The following SLC2A5 variants were observed in gnomAD, a reference collection of about 807,000 sequenced individuals.
SLC2A5 encodes solute carrier family 2 member 5.
In SLC2A5, 56 loss-of-function variants were observed where a neutral mutation model predicts 50.3. The observed-to-expected ratio is 1.11, with a 90% confidence interval of 0.90 to 1.39. The LOEUF (loss-of-function observed/expected upper bound fraction) is 1.39, where lower values mean the gene tolerates loss of function less well. Among genes scored for constraint, SLC2A5 ranks in the 40% most tolerant of loss-of-function variants. The pLI is 0.00. For missense variants in SLC2A5, 566 were observed against 650.1 expected (o/e 0.87, Z 1.41); for synonymous variants, 269 against 281.9 (o/e 0.95, Z 0.46).
At position 9,064,940 on chromosome 1, in the gene SLC2A5, C is replaced by G. The variant is rs530302341; in HGVS notation, c.33+4564G>C. ...TGGTGGCACACGTCTGTAATCCCAG[C>G]TACTCGGGAGGCTGAGGCAGGAGAA... On this transcript the variant is annotated intron_variant, in intron 1 of 11. Coordinates refer to ENST00000377424, the MANE Select transcript of SLC2A5 (RefSeq NM_003039.3). Among the ~76,000 whole-genome samples, 29 of 151,922 alleles carry G rather than the reference C, an allele frequency of 1.9e-4. 1 individual carries two copies. In the South Asian group the frequency reaches 5.8e-3, roughly 30 times the overall value.
In SLC2A5 at chr1:9,036,476, T is replaced by G. The variant is rs945264989; in HGVS notation, c.*1110A>C. 6.6e-6 allele frequency: 1 copy of G among 152,240 alleles called. No homozygotes were observed. The allele number at this position is 152,240 out of a possible 1,614,324, so 9.4% of individuals were successfully genotyped here. A position where few individuals can be genotyped will look rare whatever the true frequency, so the allele number is the denominator to read the frequency against. On this transcript the variant is annotated 3_prime_UTR_variant, in exon 12 of 12. Transcript: ENST00000377424. ...CAGCCTCCAGAGGCCCTCTTCGAGA[T>G]GCTGGGGATTCAGGCATAAACAAAA...
intron 7 of SLC2A5, 21 bp from the exon 8 acceptor site, chr1:9,039,683 T>C: frequency 1.3e-6 from 2 of 1,501,828 alleles, no homozygotes; most frequent in Admixed American, 2.2e-5. Flanking sequence ...AGCGCGGGGC[T>C]GGGCGGCTGC....
At chr1:9,070,072 GTTTTTTTTTTTTTTT>G (rs56828280), upstream of SLC2A5, among the ~76,000 whole-genome samples, 2 of 62,514 alleles carry the variant, frequency 3.2e-5, no homozygotes, top group Admixed American at 1.9e-4. Flanking sequence ...CTCATTTTCT[GTTTTTTTTTTTTTTT>G]TTTTTTTTTT....
chr1:9,072,891 G>C (rs1642239842), upstream of SLC2A5, among the ~76,000 whole-genome samples: 1 of 151,860 alleles, frequency 6.6e-6, no homozygotes, highest in Non-Finnish European at 1.5e-5. Flanking sequence ...GAACCCAAGA[G>C]GCGGAAGTTG....
At chr1:9,087,151 C>T (rs1642408608) in intron 1 of SLC2A5, among the ~76,000 whole-genome samples, 1 of 152,176 alleles carries the variant, frequency 6.6e-6, no homozygotes, top group East Asian at 1.9e-4. Flanking sequence ...GGTTTGTTTT[C>T]TCTAAAATAA....
chr1:9,085,217 G>A (rs1642391066), intron 1 of SLC2A5: 1 of 152,234 alleles, frequency 6.6e-6, no homozygotes, highest in South Asian at 2.1e-4. Flanking sequence ...AGTGACTACG[G>A]CCTATGACAC....
rs1641259509 is a variant in SLC2A5, at chr1:9,040,082, C to CG, written c.678dup (p.Glu227ArgfsTer29). ...TCGTTACCTTTCTTGGCGGCCGCTT[C>CG]GTCTTTCTTCTGAATCAGCAGGTAC... On this transcript the variant is annotated frameshift_variant, in exon 6 of 12. Transcript: ENST00000377424. LOFTEE classifies it high-confidence loss of function. This position sits in a 1 kb window ranked among gnomAD's most constrained non-coding sequence, Gnocchi z 4.3. 1.9e-6 allele frequency: 3 copies of CG among 1,590,808 alleles called. No homozygotes were observed. Among genetic ancestry groups the CG allele is most frequent in the Non-Finnish European group, 2.6e-6 (3 of 1,167,532 alleles).
intron 2 of SLC2A5, 28 bp downstream of exon 2, chr1:9,058,124 C>A: frequency 6.4e-7 from 1 of 1,562,446 alleles, no homozygotes; most frequent in East Asian, 2.2e-5. Flanking sequence ...AACGTCCTCC[C>A]CACATCTTGC....
chr1:9,058,402 G>T (rs1437234572), intron 1 of SLC2A5, 152 bp from the exon 2 acceptor site: 2 of 623,776 alleles, frequency 3.2e-6, no homozygotes, highest in Non-Finnish European at 2.9e-6. Context: ...ACCCACCTTG[G>T]GTTACAGGCT....
chr1:9,081,769 TA>T (rs200101065), intron 2 of SLC2A5, among the ~76,000 whole-genome samples: 5 of 150,694 alleles, frequency 3.3e-5, no homozygotes, highest in African/African-American at 7.3e-5. Flanking sequence ...CTATCATACT[TA>T]AAAAAAAAGG....
intron 1 of SLC2A5, among the ~76,000 whole-genome samples, chr1:9,063,622 C>T (rs1234673241): frequency 1.3e-5 from 2 of 150,438 alleles, no homozygotes; most frequent in East Asian, 1.9e-4. Context: ...ATCCACCTGC[C>T]TTGGGCTCCT....
the SLC2A5 span, among the ~76,000 whole-genome samples, chr1:9,094,191 C>T: frequency 2.6e-5 from 4 of 152,200 alleles, no homozygotes; most frequent in East Asian, 1.9e-4. Flanking sequence ...TTGCCTGAAG[C>T]GAACGGAGCA....
chr1:9,073,159 G>A (rs546885381), upstream of SLC2A5: 2 of 152,306 alleles, frequency 1.3e-5, no homozygotes, highest in African/African-American at 4.8e-5. Flanking sequence ...CCTCACCTCT[G>A]CTAGGAATGT....
At chr1:9,038,133 G>A in intron 10 of SLC2A5, 109 bp from the exon 11 acceptor site, 1 of 1,319,088 alleles carries the variant, frequency 7.6e-7, no homozygotes, top group Non-Finnish European at 1.0e-6. Context: ...GGCGTCTCCA[G>A]GACTCTTGGG....
chr1:9,063,848 A>C (rs1642012796), intron 1 of SLC2A5, among the ~76,000 whole-genome samples: 1 of 141,448 alleles, frequency 7.1e-6, no homozygotes, highest in Non-Finnish European at 1.5e-5. Context: ...GGCGCCCGCT[A>C]CCACGCCCGG....
chr1:9,051,532 A>C (rs1160105551), intron 3 of SLC2A5, among the ~76,000 whole-genome samples: 1 of 152,206 alleles, frequency 6.6e-6, no homozygotes, highest in East Asian at 1.9e-4. Flanking sequence ...GATGGGAAAT[A>C]AGCATATGAA....
Position 9,039,892 on chromosome 1 carries a change from C to G in SLC2A5, c.793G>C (p.Val265Leu), listed in dbSNP as rs201546596. 2.4e-4 allele frequency: 385 copies of G among 1,612,816 alleles called. 1 individual carries two copies. In the East Asian group the frequency reaches 6.6e-3, roughly 28 times the overall value. The change falls in exon 7 of 12, where the codon GTG becomes CTG. Residue 265 changes from valine (V) to leucine (L), a missense_variant. Val to Leu is a conservative substitution (Grantham distance 32). Transcript: ENST00000377424. ...EAEKAAGFISVLKLFRMRSLR... is the reference protein window; with the variant it reads ...EAEKAAGFISLLKLFRMRSLR... Reference sequence around the variant, plus strand: ...GAGCGCATCCGGAACAGCTTCAGCACGGAGATGAAGCCCGCGGCCTTCTCT... The same window carrying G: ...GAGCGCATCCGGAACAGCTTCAGCAGGGAGATGAAGCCCGCGGCCTTCTCT...
At chr1:9,071,951 T>TC (rs1642222243), upstream of SLC2A5, 1 of 160,574 alleles carries the variant, frequency 6.2e-6, no homozygotes, top group South Asian at 1.7e-4. Context: ...TCAGCCCGGG[T>TC]CCCCCTCAGC....
chr1:9,071,392 A>T (rs2124462042), upstream of SLC2A5, among the ~76,000 whole-genome samples: 1 of 152,306 alleles, frequency 6.6e-6, no homozygotes, highest in Non-Finnish European at 1.5e-5. Flanking sequence ...CCTGGGCGAC[A>T]GAGCGAGACT....
Sources: allele counts gnomAD v4.1 joint callset (sites outside exome capture counted in the v4.1 genomes callset), GRCh38; gene constraint gnomAD v4.1.1; non-coding constraint Gnocchi (gnomAD v3.1); transcripts MANE v1.5; gene names NCBI Gene and HGNC (gene_info 2026-07-23, HGNC 2026-07-21).